MON2: variants seen among roughly 807,000 people sequenced by gnomAD.
MON2 encodes the protein protein MON2 homolog.
Under a neutral mutation model 208.6 loss-of-function variants are expected in MON2, and 84 were observed. The observed-to-expected ratio is 0.40, with a 90% CI of 0.34 to 0.48. MON2 has a LOEUF of 0.48. Ranked by LOEUF, MON2 falls within the 20% of genes least tolerant of loss-of-function variation. The probability of loss-of-function intolerance (pLI) is 0.59; values close to 1 mark genes in which losing one functional copy is unlikely to be tolerated. For missense variants in MON2, 1,611 were observed against 2,015.4 expected, an observed-to-expected ratio of 0.80 and a Z score of 3.84; for synonymous variants, 660 against 694.0, an observed-to-expected ratio of 0.95 and a Z score of 0.77.
At chr12:62,472,079 A>G (rs2068816499) in intron 1 of MON2, among the ~76,000 whole-genome samples, 1 of 152,192 alleles carries the variant, frequency 6.6e-6, no homozygotes, top group African/African-American at 2.4e-5. Context: ...ATTGTCTTGG[A>G]ACACTTAAGA....
intron 8 of MON2, among the ~76,000 whole-genome samples, chr12:62,515,259 A>C (rs2071626892): frequency 6.6e-6 from 1 of 152,254 alleles, no homozygotes; most frequent in Non-Finnish European, 1.5e-5. Context: ...CAGATGAACA[A>C]ACCAAGAAAA....
At chr12:62,542,039 A>C (rs2136260141) in intron 19 of MON2, among the ~76,000 whole-genome samples, 1 of 152,332 alleles carries the variant, frequency 6.6e-6, no homozygotes, top group Non-Finnish European at 1.5e-5. Context: ...GCTATTAAGT[A>C]GTAGAGTTGA....
Position 62,537,667 on chromosome 12 carries a change from T to A in MON2, c.2079T>A (p.Val693=). The A allele has an allele frequency of 6.2e-7, 1 of 1,613,382 alleles. No individual in the cohort carries two copies. Among genetic ancestry groups the A allele is most frequent in the Non-Finnish European group, 8.5e-7 (1 of 1,179,728 alleles). ...ACTTGGCGCATTGCCATGGGGCTGT[T>A]CTTGGAACATCATGGCAACTTGTCT... ...LLNLAHCHGA[V]LGTSWQLVLA... The change falls in exon 16 of 35, where the codon GTT becomes GTA. Residue 693 remains valine (V), a synonymous_variant. Transcript: ENST00000393630.
intron 33 of MON2, among the ~76,000 whole-genome samples, chr12:62,587,473 C>G (rs909850070): frequency 1.3e-5 from 2 of 151,754 alleles, no homozygotes; most frequent in African/African-American, 4.8e-5. Flanking sequence ...AATCCCAGCA[C>G]TTTAGGAGGC....
At chr12:62,493,653 C>T (rs759212227) in intron 2 of MON2, among the ~76,000 whole-genome samples, 10 of 152,012 alleles carry the variant, frequency 6.6e-5, no homozygotes, top group Non-Finnish European at 1.2e-4. Flanking sequence ...GAGTTTGTAG[C>T]AGAAGATGGA....
rs767857437 is a variant in MON2, at chr12:62,578,493, T to C, written c.4563T>C (p.Asn1521=). 4 of 1,500,260 alleles carry C rather than the reference T, an allele frequency of 2.7e-6. No individual in the cohort carries two copies. Among genetic ancestry groups the C allele is most frequent in the Middle Eastern group, 2.0e-4 (1 of 4,880 alleles). The allele number at this position is 1,500,260 out of a possible 1,614,324, so 92.9% of individuals were successfully genotyped here. ...TTCAAGAGTTTCAAAGAAATGAAAA[T>C]ATTGATGTCGAGGTAAGGAGGCTAT... is the stretch of plus-strand genomic sequence containing the variant. ...LSIQEFQRNE[N]IDVEVVQLIS... The change falls in exon 31 of 35, where the codon AAT becomes AAC. Residue 1521 remains asparagine, a synonymous_variant. Transcript: ENST00000393630.
chr12:62,584,787 C>G (rs1043774898), intron 32 of MON2, among the ~76,000 whole-genome samples: 3 of 149,154 alleles, frequency 2.0e-5, no homozygotes, highest in Non-Finnish European at 4.4e-5. Flanking sequence ...AGAGTGATGG[C>G]AAAGACTAGT....
In MON2 at chr12:62,544,972, A is replaced by G. The variant is rs927022970; in HGVS notation, c.2541A>G (p.Leu847=). Residue 847 remains leucine, a synonymous_variant, in exon 21 of 35, where the codon TTA becomes TTG. Transcript: ENST00000393630. ...TAACTTCTCTTATTAAAGCAGGATT[A>G]ACATTTAACCATGATCCTCCACTCT... ...EALTSLIKAG[L]TFNHDPPLSQ... The G allele has an allele frequency of 1.9e-6, 3 of 1,605,600 alleles. No individual in the cohort carries two copies. Among genetic ancestry groups the G allele is most frequent in the East Asian group, 2.2e-5 (1 of 44,698 alleles).
In MON2 at chr12:62,548,052, A is replaced by G. The variant is rs377030584; in HGVS notation, c.2753+980A>G. On this transcript the variant is annotated intron_variant, in intron 22 of 34. Transcript: ENST00000393630. ...GAGGAGGACAGAGGCAAAATTATGA[A>G]GGAGATCTTATATGGTTATATAAAT... 3.9e-5 allele frequency among the ~76,000 whole-genome samples: 6 copies of G among 152,326 alleles called. No individual in the cohort carries two copies. The East Asian group carries it at 7.7e-4, about 20-fold the overall frequency.
At chr12:62,501,726 A>G (rs772927171) in intron 7 of MON2, 28 bp downstream of exon 7, 2 of 1,610,842 alleles carry the variant, frequency 1.2e-6, no homozygotes, top group East Asian at 2.2e-5. Flanking sequence ...TCTTGTGACA[A>G]AGTTAATCTG....
chr12:62,574,065 A>G (rs1010774199), intron 30 of MON2, among the ~76,000 whole-genome samples: 1 of 152,206 alleles, frequency 6.6e-6, no homozygotes, highest in African/African-American at 2.4e-5. Context: ...TAGACAAGTT[A>G]TTAAACCTTT....
intron 8 of MON2, among the ~76,000 whole-genome samples, chr12:62,516,072 G>T (rs1010126061): frequency 1.3e-5 from 2 of 152,144 alleles, no homozygotes; most frequent in Admixed American, 6.5e-5. Context: ...ATAGACAATG[G>T]AGTACTATTC....
rs930875460 is a variant in MON2, at chr12:62,484,437, T to A, written c.175+204T>A. 9.8e-5 allele frequency among the ~76,000 whole-genome samples: 15 copies of A among 152,350 alleles called. No homozygotes were observed. The Middle Eastern group carries it at 0.014, about 138-fold the overall frequency. Reference sequence around the variant, plus strand: ...CCAGAGACGAATGCTACAAAAATTCTCTGAAATCAGAAAGCTTAACACTAC... The same window carrying A: ...CCAGAGACGAATGCTACAAAAATTCACTGAAATCAGAAAGCTTAACACTAC... On this transcript the variant is annotated intron_variant, in intron 2 of 34. Coordinates refer to ENST00000393630, the MANE Select transcript of MON2 (RefSeq NM_015026.3).
At position 62,471,392 on chromosome 12, in the gene MON2, C is replaced by T. The variant is rs543202540; in HGVS notation, c.111+4074C>T. ...AGAGACGGGGTTTCACCATGTTGGC[C>T]AGCCTAGTCTCGAACTCCTGACCTA... On this transcript the variant is annotated intron_variant, in intron 1 of 34. Transcript: ENST00000393630. Among the ~76,000 whole-genome samples the T allele has an allele frequency of 4.6e-5, 7 of 152,262 alleles. No homozygotes were observed. The South Asian group carries it at 1.5e-3, about 32-fold the overall frequency.
chr12:62,495,190 G>GT (rs1488551382), intron 4 of MON2, 43 bp downstream of exon 4: 2 of 1,524,354 alleles, frequency 1.3e-6, no homozygotes, highest in Non-Finnish European at 1.8e-6. Context: ...CTTTGAGACA[G>GT]TATTTGAATA....
rs372234318 is a variant in MON2 at position 62,477,654 on chromosome 12, G to A, written c.112-6516G>A. 3.3e-5 allele frequency among the ~76,000 whole-genome samples: 5 copies of A among 150,114 alleles called. No homozygotes were observed. The East Asian group carries it at 7.8e-4, about 23-fold the overall frequency. On this transcript the variant is annotated intron_variant, in intron 1 of 34. Coordinates refer to ENST00000393630, the MANE Select transcript of MON2 (RefSeq NM_015026.3). ...CGGTCACGAGCTCTGAGGCTCAAGC[G>A]ATCCTCTCGCCTTGACCTCCCAAAG... is the stretch of plus-strand genomic sequence containing the variant.
intron 26 of MON2, among the ~76,000 whole-genome samples, chr12:62,562,555 G>A (rs1217549312): frequency 6.6e-6 from 1 of 152,042 alleles, no homozygotes; most frequent in East Asian, 1.9e-4. Context: ...GACCTTGAAT[G>A]TGAGATTTTT....
chr12:62,523,636 G>A (rs1331398375), intron 8 of MON2, among the ~76,000 whole-genome samples: 1 of 151,908 alleles, frequency 6.6e-6, no homozygotes, highest in Non-Finnish European at 1.5e-5. Flanking sequence ...AAAGCCTGAG[G>A]GCTACTATAT....
chr12:62,515,602 G>GC (rs1428954040), intron 8 of MON2, among the ~76,000 whole-genome samples: 7 of 152,092 alleles, frequency 4.6e-5, no homozygotes, highest in African/African-American at 1.7e-4. Flanking sequence ...GATCACCTGA[G>GC]CTCAGGAGTT....
Sources: allele counts gnomAD v4.1 joint callset (sites outside exome capture counted in the v4.1 genomes callset), GRCh38; gene constraint gnomAD v4.1.1; transcripts MANE v1.5; gene names NCBI Gene and HGNC (gene_info 2026-07-23, HGNC 2026-07-21).